PHF24: variants seen among roughly 807,000 people sequenced by gnomAD.
The protein encoded by PHF24 is PHD finger protein 24, also known as Galpha inhibitory interacting protein.
PHF24 carries 25 observed loss-of-function variants against 42.6 expected under a neutral mutation model. The observed-to-expected ratio is 0.59, with a 90% CI of 0.43 to 0.82. The LOEUF (loss-of-function observed/expected upper bound fraction) is 0.82, where lower values mean the gene tolerates loss of function less well. PHF24 is among the 40% of genes least tolerant of loss of function. The probability of loss-of-function intolerance (pLI) is 0.00; values close to 1 mark genes in which losing one functional copy is unlikely to be tolerated. For missense variants in PHF24, 470 were observed against 538.1 expected (o/e 0.87, Z 1.25); for synonymous variants, 185 against 204.8 (o/e 0.90, Z 0.83).
the PHF24 span, among the ~76,000 whole-genome samples, chr9:34,861,359 C>T: frequency 6.6e-6 from 1 of 152,180 alleles, no homozygotes; most frequent in Non-Finnish European, 1.5e-5. Context: ...CCACTTTAGT[C>T]CCACCTTTAC....
the PHF24 span, among the ~76,000 whole-genome samples, chr9:34,670,246 A>C: frequency 6.6e-6 from 1 of 152,138 alleles, no homozygotes; most frequent in South Asian, 2.1e-4. Flanking sequence ...TCTGTGAGTC[A>C]CTCTAGCAAA....
the PHF24 span, chr9:34,917,730 A>G: frequency 1.2e-6 from 1 of 816,032 alleles, no homozygotes; most frequent in Non-Finnish European, 2.2e-6. Flanking sequence ...GCCTGCTTGT[A>G]TGCTGGAGTC....
the PHF24 span, among the ~76,000 whole-genome samples, chr9:34,934,554 G>T: frequency 7.5e-6 from 1 of 134,156 alleles, no homozygotes; most frequent in Non-Finnish European, 1.6e-5. Flanking sequence ...TCTCAGCAAA[G>T]GCTGAATTCT....
chr9:34,727,307 G>GTT, the PHF24 span, among the ~76,000 whole-genome samples: 1 of 152,220 alleles, frequency 6.6e-6, no homozygotes, highest in South Asian at 2.1e-4. Context: ...GAGCTAGGCA[G>GTT]TTAGCTGATG....
At chr9:34,941,236 C>T in the PHF24 span, among the ~76,000 whole-genome samples, 1 of 152,186 alleles carries the variant, frequency 6.6e-6, no homozygotes, top group Non-Finnish European at 1.5e-5. Flanking sequence ...AATGTTGCCA[C>T]CAAGCTGGCA....
chr9:34,739,034 A>G, the PHF24 span, among the ~76,000 whole-genome samples: 2 of 151,900 alleles, frequency 1.3e-5, no homozygotes, highest in Non-Finnish European at 2.9e-5. Context: ...CCTACTTTTC[A>G]TTTTCATGTA....
the PHF24 span, chr9:34,835,608 T>C: frequency 6.4e-7 from 1 of 1,551,790 alleles, no homozygotes; most frequent in Non-Finnish European, 8.7e-7. Context: ...CCTGGTTCAG[T>C]GGAGCCCTTG....
At chr9:34,931,280 G>A in the PHF24 span, among the ~76,000 whole-genome samples, 2 of 151,288 alleles carry the variant, frequency 1.3e-5, no homozygotes, top group East Asian at 3.9e-4. Flanking sequence ...GGAGGCTGAG[G>A]CAGGAGAATG....
the PHF24 span, among the ~76,000 whole-genome samples, chr9:34,807,137 CA>C: frequency 6.6e-6 from 1 of 152,176 alleles, no homozygotes; most frequent in Non-Finnish European, 1.5e-5. Context: ...AGGGAGACAG[CA>C]TTCAGTCTTT....
the PHF24 span, among the ~76,000 whole-genome samples, chr9:34,681,911 T>A: frequency 6.6e-6 from 1 of 152,308 alleles, no homozygotes; most frequent in South Asian, 2.1e-4. Flanking sequence ...TCTCTCTCTG[T>A]CACATAGTAA....
the PHF24 span, among the ~76,000 whole-genome samples, chr9:34,804,952 G>A: frequency 6.6e-6 from 1 of 152,054 alleles, no homozygotes; most frequent in Non-Finnish European, 1.5e-5. Context: ...TCATATTAAT[G>A]GAATCATATA....
At chr9:34,902,934 A>G in the PHF24 span, among the ~76,000 whole-genome samples, 2 of 152,316 alleles carry the variant, frequency 1.3e-5, no homozygotes, top group South Asian at 4.1e-4. Context: ...ACAATGAACT[A>G]TAAATAAAGG....
At chr9:34,947,843 T>A in the PHF24 span, among the ~76,000 whole-genome samples, 1 of 152,132 alleles carries the variant, frequency 6.6e-6, no homozygotes, top group East Asian at 1.9e-4. Flanking sequence ...GCGCGGTGGC[T>A]CACACCTGTA....
chr9:34,882,075 C>A, the PHF24 span, among the ~76,000 whole-genome samples: 1 of 152,120 alleles, frequency 6.6e-6, no homozygotes, highest in Admixed American at 6.6e-5. Flanking sequence ...AATCAATAAA[C>A]GTAATCCATC....
chr9:34,960,060 G>T (rs550365036), intron 1 of PHF24, among the ~76,000 whole-genome samples: 2 of 152,190 alleles, frequency 1.3e-5, no homozygotes, highest in African/African-American at 2.4e-5. Context: ...AAGGGTCTGC[G>T]CCAGACATAG....
chr9:34,781,123 G>A, the PHF24 span, among the ~76,000 whole-genome samples: 2 of 152,106 alleles, frequency 1.3e-5, no homozygotes, highest in African/African-American at 4.8e-5. Context: ...CCACTCCTAG[G>A]TAAATACCCA....
chr9:34,866,490 G>T, the PHF24 span, among the ~76,000 whole-genome samples: 1 of 152,020 alleles, frequency 6.6e-6, no homozygotes, highest in African/African-American at 2.4e-5. Flanking sequence ...GGAAGGCCAC[G>T]TACCTTACAT....
At chr9:34,742,674 C>T in the PHF24 span, among the ~76,000 whole-genome samples, 3 of 152,162 alleles carry the variant, frequency 2.0e-5, no homozygotes, top group Non-Finnish European at 2.9e-5. Context: ...AAGAGATCCT[C>T]CTGCCTTGGC....
At chr9:34,942,128 C>T in the PHF24 span, among the ~76,000 whole-genome samples, 1 of 152,200 alleles carries the variant, frequency 6.6e-6, no homozygotes, top group South Asian at 2.1e-4. Flanking sequence ...CTACCACTGA[C>T]ATTTCCAACA....
Sources: gnomAD v4.1 joint callset for allele counts (sites outside exome capture counted in the v4.1 genomes callset) on GRCh38, gnomAD v4.1.1 for gene constraint, MANE v1.5 for transcripts, NCBI Gene and HGNC (gene_info 2026-07-23, HGNC 2026-07-21) for gene names.